The following XYLT1 variants were observed in gnomAD, a reference collection of about 807,000 sequenced individuals.
XYLT1 encodes beta-D-xylosyltransferase 1.
In XYLT1, 36 loss-of-function variants were observed where a neutral mutation model predicts 91.3. The observed-to-expected ratio is 0.39, with a 90% CI of 0.30 to 0.52. The LOEUF is 0.52. XYLT1 is among the 20% of genes least tolerant of loss of function. The pLI is 0.68. For missense variants in XYLT1, 1,242 were observed against 1,284.5 expected (o/e 0.97, Z 0.51); for synonymous variants, 588 against 532.0 (o/e 1.11, Z -1.45).
chr16:17,367,745 T>G (rs1207476306), intron 1 of XYLT1, among the ~76,000 whole-genome samples: 6 of 152,170 alleles, frequency 3.9e-5, no homozygotes, highest in Admixed American at 6.5e-5. Context: ...GGCCTCAAAT[T>G]CTCAATACGG....
intron 11 of XYLT1, among the ~76,000 whole-genome samples, chr16:17,115,913 G>C (rs1358706804): frequency 6.9e-6 from 1 of 144,034 alleles, no homozygotes; most frequent in Non-Finnish European, 1.5e-5. Context: ...GGAACAGATA[G>C]ATTGTGGTTC....
rs1437593479 is a variant in XYLT1, at chr16:17,134,348, A to C, written c.2027+125T>G. ...CGTTAGATGAGTTTTGGGCAAAGGA[A>C]GAGAGAAAGCATAGGGTGGCATTGC... On this transcript the variant is annotated intron_variant, in intron 9 of 11. Transcript: ENST00000261381. 1.4e-5 allele frequency: 19 copies of C among 1,319,664 alleles called. No individual in the cohort carries two copies. In the East Asian group the frequency reaches 4.0e-4, roughly 28 times the overall value. 81.7% of individuals were successfully genotyped at this position (1,319,664 alleles called of 1,614,324 possible). A position where few individuals can be genotyped will look rare whatever the true frequency, so the allele number is the denominator to read the frequency against.
intron 2 of XYLT1, among the ~76,000 whole-genome samples, chr16:17,334,268 A>G (rs1413295174): frequency 6.6e-6 from 1 of 152,176 alleles, no homozygotes; most frequent in Non-Finnish European, 1.5e-5. Context: ...CTAGTGAGTA[A>G]CTGCGTGCTA....
intron 1 of XYLT1, chr16:17,446,262 A>T (rs1333949032): frequency 6.6e-6 from 1 of 152,208 alleles, no homozygotes; most frequent in African/African-American, 2.4e-5. Flanking sequence ...CAGTTTCAAA[A>T]ATAAATACAT....
chr16:17,143,321 C>T (rs1005215063), intron 6 of XYLT1, among the ~76,000 whole-genome samples: 3 of 152,060 alleles, frequency 2.0e-5, no homozygotes, highest in South Asian at 2.1e-4. Flanking sequence ...ACCATTTTCA[C>T]GTATTACGTG....
chr16:17,459,788 T>C (rs1292786358), intron 1 of XYLT1, among the ~76,000 whole-genome samples: 1 of 152,206 alleles, frequency 6.6e-6, no homozygotes, highest in Non-Finnish European at 1.5e-5. Context: ...CCCCCTGCTG[T>C]GCATAAGGCC....
intron 1 of XYLT1, among the ~76,000 whole-genome samples, chr16:17,400,985 T>TACACACAC (rs71373111): frequency 1.3e-3 from 193 of 148,788 alleles, no homozygotes; most frequent in African/African-American, 4.6e-3. Flanking sequence ...CTCTCTTTCA[T>TACACACAC]ACACACACAC....
intron 3 of XYLT1, among the ~76,000 whole-genome samples, chr16:17,235,334 A>G (rs2033230971): frequency 7.6e-6 from 1 of 132,448 alleles, no homozygotes; most frequent in Non-Finnish European, 1.6e-5. Context: ...TTGGAGACCT[A>G]CTATGTGCTG....
In XYLT1 at chr16:17,470,429, C is replaced by G; in HGVS notation, c.363+5G>C. ...CGCGGGGCGCGAGCCGAAAGGGCAT[C>G]TTACCAGAGCCCGGGCGGGCAGTGC... On this transcript the variant is annotated splice_donor_5th_base_variant and intron_variant, in intron 1 of 11. Transcript: ENST00000261381. 10 of 1,230,094 alleles carry G rather than the reference C, an allele frequency of 8.1e-6. No homozygotes were observed. Among genetic ancestry groups the G allele is most frequent in the Non-Finnish European group, 6.1e-6 (6 of 986,330 alleles). The allele number at this position is 1,230,094 out of a possible 1,614,324, so 76.2% of individuals were successfully genotyped here.
intron 1 of XYLT1, among the ~76,000 whole-genome samples, chr16:17,403,003 AT>A (rs1431225568): frequency 6.6e-6 from 1 of 152,188 alleles, no homozygotes; most frequent in Non-Finnish European, 1.5e-5. Context: ...ATCACAAAAT[AT>A]TCACCAGGTG....
intron 2 of XYLT1, among the ~76,000 whole-genome samples, chr16:17,315,703 A>G (rs2034620601): frequency 6.6e-6 from 1 of 152,206 alleles, no homozygotes. Flanking sequence ...CAGACACAGA[A>G]TTAGCTTCAG....
At chr16:17,126,702 T>A (rs9939115) in intron 10 of XYLT1, among the ~76,000 whole-genome samples, 98,828 of 152,086 alleles carry the variant, frequency 0.65, 33,046 homozygotes, top group Non-Finnish European at 0.71. Context: ...ACAAATCACG[T>A]CCTTAGCACT....
chr16:17,440,154 C>T (rs1050258468), intron 1 of XYLT1, among the ~76,000 whole-genome samples: 2 of 152,150 alleles, frequency 1.3e-5, no homozygotes, highest in Admixed American at 1.3e-4. Flanking sequence ...ACAGCCCATG[C>T]AAAACTGAGG....
intron 1 of XYLT1, among the ~76,000 whole-genome samples, chr16:17,402,473 T>G (rs2035982467): frequency 6.6e-6 from 1 of 152,168 alleles, no homozygotes; most frequent in Non-Finnish European, 1.5e-5. Flanking sequence ...TGGATAATGT[T>G]TTTTAAAAGA....
intron 2 of XYLT1, among the ~76,000 whole-genome samples, chr16:17,335,773 A>G (rs1259422906): frequency 3.3e-5 from 5 of 149,678 alleles, no homozygotes; most frequent in Admixed American, 6.7e-5. Context: ...TGTTTTATTT[A>G]TTTTTCAGGG....
At chr16:17,148,968 G>A (rs534830421) in intron 6 of XYLT1, among the ~76,000 whole-genome samples, 1 of 152,302 alleles carries the variant, frequency 6.6e-6, no homozygotes, top group African/African-American at 2.4e-5. Context: ...TAGGCTATGA[G>A]GAAGGGGCAG....
At chr16:17,361,492 C>A (rs1045060649) in intron 1 of XYLT1, among the ~76,000 whole-genome samples, 1 of 152,216 alleles carries the variant, frequency 6.6e-6, no homozygotes, top group Non-Finnish European at 1.5e-5. Context: ...AGACTCAGAA[C>A]CTAAATAATA....
At position 17,108,945 on chromosome 16, in the gene XYLT1, G is replaced by C. The variant is rs1966816506; in HGVS notation, c.2630C>G (p.Pro877Arg). 1.3e-6 allele frequency: 2 copies of C among 1,592,038 alleles called. No homozygotes were observed. Among genetic ancestry groups the C allele is most frequent in the Non-Finnish European group, 1.7e-6 (2 of 1,163,860 alleles). ...GGGGTTGATGGGCAGGCTGAGGACG[G>C]GGTTTAGGCTCTGGAAGCTCTGCTC... ...YMEQSFQSLNPVLSLPINPAQ... is the reference protein window; with the variant it reads ...YMEQSFQSLNRVLSLPINPAQ... Residue 877 changes from proline to arginine, a missense_variant, in exon 12 of 12, where the codon CCC becomes CGC. Physicochemically the swap from Pro to Arg is moderately radical, Grantham distance 103. Transcript: ENST00000261381.
chr16:17,415,168 G>A (rs200794436), intron 1 of XYLT1, among the ~76,000 whole-genome samples: 1 of 152,074 alleles, frequency 6.6e-6, no homozygotes, highest in Non-Finnish European at 1.5e-5. Context: ...GAATTGGTGC[G>A]TGCAGCCAGG....
Sources: allele counts gnomAD v4.1 joint callset (sites outside exome capture counted in the v4.1 genomes callset), GRCh38; gene constraint gnomAD v4.1.1; transcripts MANE v1.5; gene names NCBI Gene and HGNC (gene_info 2026-07-23, HGNC 2026-07-21).